Variants in ATXN1 observed in about 807,000 individuals in gnomAD.
ATXN1 encodes ataxin-1.
A neutral mutation model predicts 56.4 loss-of-function variants in ATXN1; 8 were observed. The ratio of observed to expected loss-of-function variants is 0.14; its 90% confidence interval spans 0.08 to 0.26. The LOEUF (loss-of-function observed/expected upper bound fraction) is 0.26, where lower values mean the gene tolerates loss of function less well. ATXN1 is among the 10% of genes least tolerant of loss of function. The probability of loss-of-function intolerance (pLI) is 1.00; values close to 1 mark genes in which losing one functional copy is unlikely to be tolerated. For missense variants in ATXN1, 987 were observed against 1,106.5 expected, an observed-to-expected ratio of 0.89 and a Z score of 1.53; for synonymous variants, 514 against 494.6, an observed-to-expected ratio of 1.04 and a Z score of -0.52.
chr6:16,697,624 T>C (rs1388675647), intron 2 of ATXN1, among the ~76,000 whole-genome samples: 1 of 140,000 alleles, frequency 7.1e-6, no homozygotes, highest in Non-Finnish European at 1.5e-5. Context: ...ATGTCTCATA[T>C]AAAAACAGCA....
At chr6:16,476,744 C>A (rs188578780) in intron 6 of ATXN1, among the ~76,000 whole-genome samples, 2 of 152,256 alleles carry the variant, frequency 1.3e-5, no homozygotes, top group African/African-American at 4.8e-5. Context: ...CTGAAAGTGC[C>A]AACAGCTACC....
At chr6:16,631,296 A>G (rs919120523) in intron 3 of ATXN1, among the ~76,000 whole-genome samples, 1 of 152,192 alleles carries the variant, frequency 6.6e-6, no homozygotes, top group South Asian at 2.1e-4. Context: ...CTGTGGCTTC[A>G]TGAATATAAT....
chr6:16,417,441 A>ATTT (rs1188606545), intron 6 of ATXN1, among the ~76,000 whole-genome samples: 9 of 136,500 alleles, frequency 6.6e-5, no homozygotes, highest in South Asian at 2.7e-4. Context: ...CAAGTTTCTT[A>ATTT]TTTTTTTTTT....
intron 6 of ATXN1, among the ~76,000 whole-genome samples, chr6:16,346,869 C>CGGAGGTGTGGAAGG (rs1761408826): frequency 6.6e-6 from 1 of 152,200 alleles, no homozygotes; most frequent in African/African-American, 2.4e-5. Context: ...TCAGCTTGCG[C>CGGAGGTGTGGAAGG]GGAGGTGTGG....
At chr6:16,411,125 C>CAAAAAAAA (rs746717153) in intron 6 of ATXN1, among the ~76,000 whole-genome samples, 16 of 80,614 alleles carry the variant, frequency 2.0e-4, no homozygotes, top group African/African-American at 2.3e-4. Context: ...ACCTCTGTGT[C>CAAAAAAAA]AAAAAAAAAA....
intron 6 of ATXN1, among the ~76,000 whole-genome samples, chr6:16,347,901 C>T (rs944536207): frequency 6.6e-6 from 1 of 152,204 alleles, no homozygotes; most frequent in South Asian, 2.1e-4. Context: ...TGCAATAAAT[C>T]TTGCTGCTGC....
At chr6:16,463,729 A>G (rs1760044718) in intron 6 of ATXN1, among the ~76,000 whole-genome samples, 1 of 152,306 alleles carries the variant, frequency 6.6e-6, no homozygotes, top group African/African-American at 2.4e-5. Flanking sequence ...AAATCAGACA[A>G]TGCCTTTCAA....
chr6:16,553,498 C>G (rs1581840420), intron 4 of ATXN1, among the ~76,000 whole-genome samples: 1 of 152,134 alleles, frequency 6.6e-6, no homozygotes, highest in Non-Finnish European at 1.5e-5. Flanking sequence ...ATGTTCTATC[C>G]ACTCTCCTAT....
At position 16,554,655 on chromosome 6, in the gene ATXN1, T is replaced by C. The variant is rs112392920; in HGVS notation, c.-361+31125A>G. ...TTTTAGTAGAGATGGGGTTTCACCA[T>C]GTTGGCCAGGCTAGTCTCGAACTCC... On this transcript the variant is annotated intron_variant, in intron 4 of 7. Transcript: ENST00000436367. Among the ~76,000 whole-genome samples, 404 of 152,186 alleles carry C rather than the reference T, an allele frequency of 2.7e-3. 5 individuals carry two copies. Among genetic ancestry groups the C allele is most frequent in the African/African-American group, 8.9e-3 (368 of 41,496 alleles).
intron 4 of ATXN1, among the ~76,000 whole-genome samples, chr6:16,526,351 G>C (rs1036214883): frequency 6.6e-6 from 1 of 152,108 alleles, no homozygotes; most frequent in African/African-American, 2.4e-5. Flanking sequence ...GATTGAGAAA[G>C]GCAGGCTGAA....
chr6:16,722,772 T>C (rs980637146), intron 2 of ATXN1, among the ~76,000 whole-genome samples: 1 of 152,230 alleles, frequency 6.6e-6, no homozygotes, highest in Non-Finnish European at 1.5e-5. Flanking sequence ...GTGTAGTTAC[T>C]CAGGTTCTTT....
At chr6:16,518,706 C>T (rs897601589) in intron 5 of ATXN1, among the ~76,000 whole-genome samples, 1 of 152,190 alleles carries the variant, frequency 6.6e-6, no homozygotes, top group African/African-American at 2.4e-5. Context: ...TCTATCAAAC[C>T]TAATCTATCT....
intron 3 of ATXN1, among the ~76,000 whole-genome samples, chr6:16,653,815 C>T (rs1247771483): frequency 4.6e-5 from 7 of 152,208 alleles, no homozygotes; most frequent in African/African-American, 1.7e-4. Flanking sequence ...GGGAATGCAA[C>T]CCTCATGGCT....
At chr6:16,628,844 A>G (rs1290349080) in intron 3 of ATXN1, among the ~76,000 whole-genome samples, 1 of 151,812 alleles carries the variant, frequency 6.6e-6, no homozygotes, top group Non-Finnish European at 1.5e-5. Context: ...TATGTACCAC[A>G]TTTTTTTTGT....
intron 4 of ATXN1, among the ~76,000 whole-genome samples, chr6:16,558,952 C>T (rs1056437546): frequency 1.3e-5 from 2 of 151,164 alleles, no homozygotes; most frequent in African/African-American, 4.9e-5. Context: ...AAACCAAAAA[C>T]GTAGTAGAAA....
At chr6:16,482,039 C>T (rs1387496027) in intron 6 of ATXN1, among the ~76,000 whole-genome samples, 10 of 151,712 alleles carry the variant, frequency 6.6e-5, no homozygotes, top group Admixed American at 4.6e-4. Context: ...CAAATTGTTC[C>T]CTCCTCACAT....
At chr6:16,450,221 G>A (rs929936472) in intron 6 of ATXN1, among the ~76,000 whole-genome samples, 4 of 152,140 alleles carry the variant, frequency 2.6e-5, no homozygotes, top group African/African-American at 9.7e-5. Context: ...TACAAAAACC[G>A]GTCCTTGTGG....
chr6:16,514,939 C>T (rs369066343), intron 5 of ATXN1, among the ~76,000 whole-genome samples: 17 of 151,620 alleles, frequency 1.1e-4, no homozygotes, highest in Non-Finnish European at 2.5e-4. Context: ...GCCGAGATCA[C>T]GCCACTGCAC....
chr6:16,381,148 G>A (rs891579167), intron 6 of ATXN1, among the ~76,000 whole-genome samples: 5 of 152,194 alleles, frequency 3.3e-5, no homozygotes, highest in Non-Finnish European at 7.3e-5. Context: ...TTAGCCTGGC[G>A]TGGTGGCGGG....
Sources: gnomAD v4.1 joint callset for allele counts (sites outside exome capture counted in the v4.1 genomes callset) on GRCh38, gnomAD v4.1.1 for gene constraint, MANE v1.5 for transcripts, NCBI Gene and HGNC (gene_info 2026-07-23, HGNC 2026-07-21) for gene names.